Variants in ASPRV1 observed in about 807,000 individuals in gnomAD.
ASPRV1 encodes retroviral-like aspartic protease 1.
In ASPRV1, 7 loss-of-function variants were observed where a neutral mutation model predicts 11.0. That is an observed-to-expected ratio of 0.64 (90% CI 0.36 to 1.20). ASPRV1 has a LOEUF of 1.20. ASPRV1 is among the 50% of genes most tolerant of loss of function. The probability of loss-of-function intolerance (pLI) is 0.02; values close to 1 mark genes in which losing one functional copy is unlikely to be tolerated. For missense variants in ASPRV1, 299 were observed against 320.0 expected, an observed-to-expected ratio of 0.93 and a Z score of 0.50; for synonymous variants, 136 against 138.4, an observed-to-expected ratio of 0.98 and a Z score of 0.12.
At chr2:70,073,333 A>G in the ASPRV1 span, 1 of 152,192 alleles carries the variant, frequency 6.6e-6, no homozygotes, top group South Asian at 2.1e-4. Context: ...TAAATAACTA[A>G]GAAGTCCCTC....
the ASPRV1 span, chr2:70,056,189 G>A: frequency 6.6e-6 from 1 of 152,096 alleles, no homozygotes; most frequent in African/African-American, 2.4e-5. Flanking sequence ...GAGAAAGGAG[G>A]GGTAGGGCAA....
the ASPRV1 span, among the ~76,000 whole-genome samples, chr2:70,042,058 A>G: frequency 6.6e-6 from 1 of 152,184 alleles, no homozygotes; most frequent in African/African-American, 2.4e-5. Context: ...GTATTCCACC[A>G]AACACATATT....
chr2:70,049,961 A>C, the ASPRV1 span: 1 of 152,250 alleles, frequency 6.6e-6, no homozygotes, highest in East Asian at 1.9e-4. Context: ...TCCTTTAACA[A>C]ATGAATTAGG....
At chr2:70,073,190 G>A in the ASPRV1 span, 3 of 152,178 alleles carry the variant, frequency 2.0e-5, no homozygotes, top group Non-Finnish European at 4.4e-5. Flanking sequence ...TTTGTCAGGA[G>A]AATGATAGAA....
At chr2:70,045,068 G>T in the ASPRV1 span, among the ~76,000 whole-genome samples, 1 of 152,154 alleles carries the variant, frequency 6.6e-6, no homozygotes, top group African/African-American at 2.4e-5. Context: ...TCTATATATA[G>T]AATCTAGTAT....
chr2:69,992,381 T>C, the ASPRV1 span, among the ~76,000 whole-genome samples: 2 of 152,354 alleles, frequency 1.3e-5, no homozygotes, highest in African/African-American at 2.4e-5. Flanking sequence ...TCGGTCCTTC[T>C]GGACATTCTG....
chr2:69,990,171 T>C, the ASPRV1 span, among the ~76,000 whole-genome samples: 1 of 152,132 alleles, frequency 6.6e-6, no homozygotes, highest in Non-Finnish European at 1.5e-5. Context: ...TTTTTGTTTG[T>C]TTATGTATTT....
the ASPRV1 span, among the ~76,000 whole-genome samples, chr2:70,025,966 T>TA: frequency 6.6e-6 from 1 of 152,172 alleles, no homozygotes; most frequent in Non-Finnish European, 1.5e-5. Flanking sequence ...ATCAGAGAAC[T>TA]AAAAACCTGT....
At chr2:70,043,607 C>T in the ASPRV1 span, among the ~76,000 whole-genome samples, 1 of 152,208 alleles carries the variant, frequency 6.6e-6, no homozygotes, top group South Asian at 2.1e-4. Context: ...TAGCATAGCT[C>T]ATTGGGAAAT....
chr2:70,046,026 T>A, the ASPRV1 span: 1 of 152,136 alleles, frequency 6.6e-6, no homozygotes. Context: ...CCTCTTTCAC[T>A]CTCTCTGCAG....
the ASPRV1 span, chr2:70,030,439 C>T: frequency 3.9e-5 from 6 of 152,272 alleles, no homozygotes; most frequent in African/African-American, 1.4e-4. Context: ...CTTTCCCTCT[C>T]GGTTTCCCAC....
At chr2:69,956,364 C>T (rs770108507), downstream of ASPRV1, among the ~76,000 whole-genome samples, 13 of 151,360 alleles carry the variant, frequency 8.6e-5, no homozygotes, top group Non-Finnish European at 1.8e-4. Context: ...AGGAGGATCA[C>T]TTGAGCCCAG....
At chr2:69,968,706 T>G in the ASPRV1 span, among the ~76,000 whole-genome samples, 21 of 152,164 alleles carry the variant, frequency 1.4e-4, no homozygotes, top group Admixed American at 1.4e-3. Flanking sequence ...GCCAAGACCC[T>G]CCCCAGCCTG....
the ASPRV1 span, among the ~76,000 whole-genome samples, chr2:70,078,704 G>A: frequency 1.3e-5 from 2 of 152,330 alleles, no homozygotes; most frequent in Non-Finnish European, 2.9e-5. Context: ...CTGGGAGAGA[G>A]TGGTGTGAAT....
chr2:69,986,331 C>T, the ASPRV1 span, among the ~76,000 whole-genome samples: 1 of 152,218 alleles, frequency 6.6e-6, no homozygotes, highest in African/African-American at 2.4e-5. Context: ...TGGTCCTCCC[C>T]AGCAACCCCT....
chr2:69,961,555 T>C lies in ASPRV1; in HGVS notation c.-119A>G, dbSNP rs758975433. 1.9e-6 allele frequency: 3 copies of C among 1,614,066 alleles called. No homozygotes were observed. Among genetic ancestry groups the C allele is most frequent in the Admixed American group, 1.7e-5 (1 of 60,032 alleles). On this transcript the variant is annotated 5_prime_UTR_variant, in exon 1 of 1. Transcript: ENST00000320256. ...CTCTCGAAGCAGAGTGGGGATGACT[T>C]GCCCGGCCTTGGGCAAGCAGGAGGG...
chr2:69,992,520 C>T, the ASPRV1 span, among the ~76,000 whole-genome samples: 2 of 152,216 alleles, frequency 1.3e-5, no homozygotes, highest in Non-Finnish European at 2.9e-5. Flanking sequence ...AAATCATTTG[C>T]GATTTCATCA....
the ASPRV1 span, among the ~76,000 whole-genome samples, chr2:69,982,291 TAA>T: frequency 9.3e-5 from 12 of 129,260 alleles, no homozygotes; most frequent in Non-Finnish European, 6.8e-5. Flanking sequence ...TCATCCCTAC[TAA>T]AAAAAAAAAA....
chr2:70,064,421 A>T, the ASPRV1 span, among the ~76,000 whole-genome samples: 1 of 152,186 alleles, frequency 6.6e-6, no homozygotes, highest in Non-Finnish European at 1.5e-5. Flanking sequence ...ACAACAAAAT[A>T]ATTACAATAC....
Sources: gnomAD v4.1 joint callset for allele counts (sites outside exome capture counted in the v4.1 genomes callset) on GRCh38, gnomAD v4.1.1 for gene constraint, MANE v1.5 for transcripts, NCBI Gene and HGNC (gene_info 2026-07-23, HGNC 2026-07-21) for gene names.